The following CLYBL variants were observed in gnomAD, a reference collection of about 807,000 sequenced individuals.
CLYBL encodes the protein citramalyl-CoA lyase, also known as citramalyl-CoA lyase, mitochondrial.
CLYBL carries 31 observed loss-of-function variants against 38.9 expected under a neutral mutation model. The ratio of observed to expected loss-of-function variants is 0.80; its 90% CI spans 0.60 to 1.08. The LOEUF (loss-of-function observed/expected upper bound fraction) is 1.08, where lower values mean the gene tolerates loss of function less well. Ranked by LOEUF, CLYBL falls within the 50% of genes least tolerant of loss-of-function variation. The pLI, the probability that CLYBL is intolerant of heterozygous loss-of-function variation, is 0.00. For synonymous variants in CLYBL, 171 were observed against 158.6 expected (o/e 1.08, Z -0.59); for missense variants, 434 against 411.6 (o/e 1.05, Z -0.47).
intron 2 of CLYBL, among the ~76,000 whole-genome samples, chr13:99,829,555 C>T (rs2139067729): frequency 6.6e-6 from 1 of 152,282 alleles, no homozygotes; most frequent in East Asian, 1.9e-4. Context: ...GTTGTCATTA[C>T]TGATCTTGGG....
At chr13:99,731,350 G>T (rs897497148) in intron 1 of CLYBL, among the ~76,000 whole-genome samples, 2 of 144,684 alleles carry the variant, frequency 1.4e-5, no homozygotes, top group African/African-American at 5.0e-5. Context: ...AAAAAAAAAA[G>T]CGGCTGAGCC....
At chr13:99,743,822 A>G (rs964191205) in intron 1 of CLYBL, among the ~76,000 whole-genome samples, 2 of 152,182 alleles carry the variant, frequency 1.3e-5, no homozygotes, top group Non-Finnish European at 2.9e-5. Flanking sequence ...TAATTACAAT[A>G]TTGGTATTTT....
At chr13:99,619,411 G>A (rs1484490086) in intron 1 of CLYBL, among the ~76,000 whole-genome samples, 1 of 152,170 alleles carries the variant, frequency 6.6e-6, no homozygotes, top group Non-Finnish European at 1.5e-5. Context: ...AGTTTCTGTT[G>A]TTTATAAATT....
chr13:99,782,314 C>G (rs1210944759), intron 2 of CLYBL, among the ~76,000 whole-genome samples: 1 of 152,176 alleles, frequency 6.6e-6, no homozygotes, highest in African/African-American at 2.4e-5. Flanking sequence ...TGAGATCAGC[C>G]TGGCCAACAT....
intron 1 of CLYBL, among the ~76,000 whole-genome samples, chr13:99,628,349 C>G (rs767465640): frequency 6.6e-6 from 1 of 152,184 alleles, no homozygotes; most frequent in Admixed American, 6.5e-5. Context: ...GACTTACTCT[C>G]GGTTTCTTTA....
At chr13:99,674,129 A>T in intron 1 of CLYBL, among the ~76,000 whole-genome samples, 1 of 110,104 alleles carries the variant, frequency 9.1e-6, no homozygotes, top group Non-Finnish European at 1.9e-5. Flanking sequence ...GTTTTTTTTT[A>T]GCTACTAGAA....
intron 2 of CLYBL, among the ~76,000 whole-genome samples, chr13:99,841,961 GC>G (rs1360368745): frequency 6.6e-6 from 1 of 151,706 alleles, no homozygotes; most frequent in African/African-American, 2.4e-5. Context: ...GATTACAGGT[GC>G]ACACCACCAC....
intron 2 of CLYBL, among the ~76,000 whole-genome samples, chr13:99,821,146 G>A (rs151141469): frequency 1.9e-4 from 29 of 152,290 alleles, no homozygotes; most frequent in African/African-American, 5.5e-4. Flanking sequence ...TGGGGTTTCC[G>A]GATGGGCTGG....
At chr13:99,889,498 G>A (rs1390628436) in intron 7 of CLYBL, among the ~76,000 whole-genome samples, 1 of 152,144 alleles carries the variant, frequency 6.6e-6, no homozygotes, top group African/African-American at 2.4e-5. Flanking sequence ...TTAGCTCGAG[G>A]CTGAATGAAA....
downstream of CLYBL, among the ~76,000 whole-genome samples, chr13:99,899,890 A>G (rs2052622139): frequency 6.6e-6 from 1 of 152,160 alleles, no homozygotes; most frequent in South Asian, 2.1e-4. Context: ...ATGCATTTCT[A>G]CGCAGCGAAC....
chr13:99,806,717 T>C (rs1737624783), intron 2 of CLYBL, among the ~76,000 whole-genome samples: 1 of 152,236 alleles, frequency 6.6e-6, no homozygotes, highest in South Asian at 2.1e-4. Flanking sequence ...AAAGATTAGA[T>C]ATCTTCACTG....
At chr13:99,665,999 A>G (rs2071822590) in intron 1 of CLYBL, among the ~76,000 whole-genome samples, 2 of 152,106 alleles carry the variant, frequency 1.3e-5, no homozygotes, top group Non-Finnish European at 1.5e-5. Flanking sequence ...AATCTTTTCC[A>G]AGATATGTCT....
chr13:99,668,302 G>A (rs1442230304), intron 1 of CLYBL, among the ~76,000 whole-genome samples: 2 of 145,032 alleles, frequency 1.4e-5, no homozygotes, highest in Non-Finnish European at 3.0e-5. Context: ...ATAGAACACT[G>A]GCGGCCGGGC....
chr13:99,691,993 G>GTA (rs999237414), intron 1 of CLYBL, among the ~76,000 whole-genome samples: 46 of 152,294 alleles, frequency 3.0e-4, no homozygotes, highest in African/African-American at 1.1e-3. Context: ...CTGTGCCTAA[G>GTA]TAATAACAGT....
chr13:99,830,516 C>T (rs1015133487), intron 2 of CLYBL, among the ~76,000 whole-genome samples: 6 of 152,188 alleles, frequency 3.9e-5, no homozygotes, highest in Admixed American at 2.0e-4. Flanking sequence ...AGGAATGTTG[C>T]AGAGAGGAGT....
intron 1 of CLYBL, among the ~76,000 whole-genome samples, chr13:99,725,941 C>T (rs2048465193): frequency 6.6e-6 from 1 of 152,136 alleles, no homozygotes. Context: ...TTTAAGATAG[C>T]TTTGGGTATG....
At chr13:99,654,935 G>A (rs2047308119) in intron 1 of CLYBL, among the ~76,000 whole-genome samples, 1 of 151,972 alleles carries the variant, frequency 6.6e-6, no homozygotes, top group African/African-American at 2.4e-5. Context: ...AACCCGGGAG[G>A]CAGAGGTTGC....
chr13:99,723,658 T>A (rs2048426062), intron 1 of CLYBL, among the ~76,000 whole-genome samples: 1 of 152,224 alleles, frequency 6.6e-6, no homozygotes, highest in Admixed American at 6.5e-5. Flanking sequence ...TTCCCATCCA[T>A]GGGCACACGG....
chr13:99,865,578 G>A lies in CLYBL; in HGVS notation c.635-662G>A, dbSNP rs558719951. Among the ~76,000 whole-genome samples, 56 of 152,282 alleles carry A rather than the reference G, an allele frequency of 3.7e-4. No homozygotes were observed. The highest frequency in any genetic ancestry group is 1.3e-3 in the African/African-American group (52 of 41,552). ...AGGCACTTTCCCTAGGCAGGGAGTG[G>A]CATGTTCCAAATGTAAACAGGGACA... On this transcript the variant is annotated intron_variant, in intron 5 of 8. Coordinates refer to ENST00000339105, the MANE Select transcript of CLYBL (RefSeq NM_206808.5). This position sits in a 1 kb window ranked among gnomAD's most constrained non-coding sequence, Gnocchi z 4.7.
Sources: gnomAD v4.1 joint callset for allele counts (sites outside exome capture counted in the v4.1 genomes callset) on GRCh38, gnomAD v4.1.1 for gene constraint, Gnocchi (gnomAD v3.1) non-coding constraint, MANE v1.5 for transcripts, NCBI Gene and HGNC (gene_info 2026-07-23, HGNC 2026-07-21) for gene names.